The following ASCC1 variants were observed in gnomAD, a reference collection of about 807,000 sequenced individuals.
ASCC1 encodes the protein ASC-1 complex subunit P50.
ASCC1 carries 35 observed loss-of-function variants against 46.6 expected under a neutral mutation model. The ratio of observed to expected loss-of-function variants is 0.75; its 90% CI spans 0.57 to 0.99. The LOEUF is 0.99. Ranked by LOEUF, ASCC1 falls within the 50% of genes least tolerant of loss-of-function variation. The probability of loss-of-function intolerance (pLI) is 0.00; values close to 1 mark genes in which losing one functional copy is unlikely to be tolerated. For synonymous variants in ASCC1, 143 were observed against 146.6 expected (o/e 0.98, Z 0.18); for missense variants, 376 against 428.7 (o/e 0.88, Z 1.09).
chr10:72,133,367 T>C (rs1056643645), intron 7 of ASCC1, 186 bp from the exon 8 acceptor site: 2 of 622,124 alleles, frequency 3.2e-6, no homozygotes, highest in African/African-American at 3.7e-5. Context: ...CTTGTTTGTC[T>C]GCTTAACAGA....
At chr10:72,151,582 C>T (rs998130776) in intron 7 of ASCC1, among the ~76,000 whole-genome samples, 4 of 151,918 alleles carry the variant, frequency 2.6e-5, no homozygotes, top group African/African-American at 7.3e-5. Flanking sequence ...TACCCTAGAA[C>T]TTAAAGTATA....
At chr10:72,195,103 T>G (rs1313000276) in intron 5 of ASCC1, among the ~76,000 whole-genome samples, 3 of 151,450 alleles carry the variant, frequency 2.0e-5, no homozygotes, top group African/African-American at 7.3e-5. Flanking sequence ...GAAGTAGGTT[T>G]TGTGGGTTTT....
At chr10:72,133,985 C>T (rs112945632) in intron 7 of ASCC1, 3 of 152,264 alleles carry the variant, frequency 2.0e-5, no homozygotes, top group African/African-American at 4.8e-5. Context: ...AGTGGCAAAT[C>T]CAAAATTAGA....
At chr10:72,212,725 G>A (rs1858345700) in intron 2 of ASCC1, among the ~76,000 whole-genome samples, 1 of 152,018 alleles carries the variant, frequency 6.6e-6, no homozygotes, top group South Asian at 2.1e-4. Flanking sequence ...GCACATGGCT[G>A]TAATCCCAGC....
At chr10:72,137,697 A>G (rs1249470064) in intron 7 of ASCC1, among the ~76,000 whole-genome samples, 1 of 152,152 alleles carries the variant, frequency 6.6e-6, no homozygotes, top group African/African-American at 2.4e-5. Context: ...AAAGTACGAA[A>G]AGCATAAAAA....
intron 3 of ASCC1, among the ~76,000 whole-genome samples, chr10:72,207,614 G>C (rs1354807932): frequency 1.3e-5 from 2 of 151,956 alleles, no homozygotes; most frequent in Non-Finnish European, 2.9e-5. Flanking sequence ...ATCGGTCTGG[G>C]GTGCACCCAA....
chr10:72,214,174 G>A (rs1336968372), intron 1 of ASCC1, among the ~76,000 whole-genome samples: 8 of 151,722 alleles, frequency 5.3e-5, no homozygotes, highest in Non-Finnish European at 8.8e-5. Flanking sequence ...GCAACATGGC[G>A]AAACCCTGTC....
At chr10:72,113,284 T>A (rs1713570844) in intron 9 of ASCC1, among the ~76,000 whole-genome samples, 1 of 152,232 alleles carries the variant, frequency 6.6e-6, no homozygotes, top group Non-Finnish European at 1.5e-5. Flanking sequence ...AAACCCTGCA[T>A]CATTCCCTGC....
chr10:72,116,865 G>C (rs1190058677), intron 9 of ASCC1, among the ~76,000 whole-genome samples: 1 of 152,180 alleles, frequency 6.6e-6, no homozygotes, highest in Non-Finnish European at 1.5e-5. Context: ...GGCCAAGACA[G>C]GAGGATCACT....
chr10:72,180,379 A>G (rs1406483712), intron 5 of ASCC1, among the ~76,000 whole-genome samples: 1 of 152,184 alleles, frequency 6.6e-6, no homozygotes, highest in East Asian at 1.9e-4. Flanking sequence ...TAATCCCAGC[A>G]CTTTGGTAGG....
At chr10:72,102,011 G>A (rs1841822766) in intron 9 of ASCC1, among the ~76,000 whole-genome samples, 1 of 152,064 alleles carries the variant, frequency 6.6e-6, no homozygotes, top group Non-Finnish European at 1.5e-5. Flanking sequence ...AGGAGGGAGA[G>A]AAGCAGAAAA....
rs559753325 is a variant in ASCC1 at position 72,129,005 on chromosome 10, C to T, written c.872-838G>A. 1.5e-3 allele frequency among the ~76,000 whole-genome samples: 229 copies of T among 152,300 alleles called. 1 individual carries two copies. The highest frequency in any genetic ancestry group is 5.3e-3 in the African/African-American group (219 of 41,560). ...AGACCTTCAAAAATACTTATTTCCA[C>T]ATTTAAGTACGTTATTTTACTTTTA... On this transcript the variant is annotated intron_variant, in intron 8 of 9. Coordinates refer to ENST00000672957, the MANE Select transcript of ASCC1 (RefSeq NM_001198800.3).
At chr10:72,211,777 C>T (rs1224331970) in intron 2 of ASCC1, among the ~76,000 whole-genome samples, 3 of 151,336 alleles carry the variant, frequency 2.0e-5, no homozygotes, top group Admixed American at 6.6e-5. Flanking sequence ...GAGCCGAGAT[C>T]GCGCCACTGC....
At chr10:72,122,065 G>A (rs969029711) in intron 9 of ASCC1, among the ~76,000 whole-genome samples, 1 of 152,184 alleles carries the variant, frequency 6.6e-6, no homozygotes, top group Non-Finnish European at 1.5e-5. Flanking sequence ...AGGCCACAAT[G>A]AAATTAAACT....
intron 5 of ASCC1, among the ~76,000 whole-genome samples, chr10:72,170,855 T>A (rs1850988131): frequency 2.0e-5 from 3 of 151,504 alleles, no homozygotes; most frequent in South Asian, 4.2e-4. Flanking sequence ...AAAAAAAAAA[T>A]TTTGCCAGAC....
intron 3 of ASCC1, among the ~76,000 whole-genome samples, chr10:72,206,898 C>A (rs1857298190): frequency 2.0e-5 from 3 of 152,064 alleles, no homozygotes; most frequent in African/African-American, 4.8e-5. Context: ...TCTGTCCAGC[C>A]CACCACCACA....
chr10:72,190,648 T>C (rs1160265185), intron 5 of ASCC1: 5 of 774,892 alleles, frequency 6.5e-6, no homozygotes, highest in African/African-American at 5.3e-5. Context: ...CAGGTGTTAT[T>C]TGTCTGTTAA....
At chr10:72,154,792 T>C (rs1848757808) in intron 6 of ASCC1, among the ~76,000 whole-genome samples, 1 of 152,158 alleles carries the variant, frequency 6.6e-6, no homozygotes. Flanking sequence ...GCACTTGGCC[T>C]ATGCATAGGG....
intron 2 of ASCC1, among the ~76,000 whole-genome samples, chr10:72,211,701 T>C (rs1204601119): frequency 6.6e-6 from 1 of 151,950 alleles, no homozygotes; most frequent in Non-Finnish European, 1.5e-5. Flanking sequence ...TGTGCACCTG[T>C]AGTCCCAGCT....
Sources: allele counts gnomAD v4.1 joint callset (sites outside exome capture counted in the v4.1 genomes callset), GRCh38; gene constraint gnomAD v4.1.1; transcripts MANE v1.5; gene names NCBI Gene and HGNC (gene_info 2026-07-23, HGNC 2026-07-21).